The following APLP2 variants were observed in gnomAD, a reference collection of about 807,000 sequenced individuals.
The protein encoded by APLP2 is CDEI box-binding protein.
Under a neutral mutation model 89.9 loss-of-function variants are expected in APLP2, and 53 were observed. The observed-to-expected ratio is 0.59, with a 90% CI of 0.47 to 0.74. The LOEUF (loss-of-function observed/expected upper bound fraction) is 0.74. Ranked by LOEUF, APLP2 falls within the 30% of genes least tolerant of loss-of-function variation. The probability of loss-of-function intolerance (pLI) is 0.00; values close to 1 mark genes in which losing one functional copy is unlikely to be tolerated. For synonymous variants in APLP2, 372 were observed against 348.6 expected (o/e 1.07, Z -0.75); for missense variants, 973 against 975.9 (o/e 1.00, Z 0.04).
At chr11:130,072,066 T>C (rs74847642) in intron 1 of APLP2, among the ~76,000 whole-genome samples, 9,058 of 152,270 alleles carry the variant, frequency 0.059, 280 homozygotes, top group Non-Finnish European at 0.073. Flanking sequence ...AATTATTGAT[T>C]GGCAAATCTT....
intron 13 of APLP2, among the ~76,000 whole-genome samples, chr11:130,136,135 G>A (rs1402149196): frequency 1.3e-5 from 2 of 152,132 alleles, no homozygotes; most frequent in Admixed American, 6.5e-5. Context: ...ATGAGGTGGG[G>A]ATAAGAAGCT....
chr11:130,079,403 A>T (rs1298783627), intron 1 of APLP2, among the ~76,000 whole-genome samples: 5 of 152,256 alleles, frequency 3.3e-5, no homozygotes, highest in Admixed American at 2.6e-4. Context: ...CCGGCCCATG[A>T]CATGTGTTTT....
rs1275159180 is a variant in APLP2 at position 130,143,643 on chromosome 11, A to T, written c.*195A>T. On this transcript the variant is annotated 3_prime_UTR_variant, in exon 17 of 17. Transcript: ENST00000338167. ...TTTTAAATGGGTGAAAAATGGTAAT[A>T]TAACAATATATGATATATAAACCTT... 1.8e-6 allele frequency: 1 copy of T among 559,448 alleles called. No individual in the cohort carries two copies. The highest frequency in any genetic ancestry group is 1.9e-5 in the African/African-American group (1 of 53,050). 34.7% of individuals were successfully genotyped at this position (559,448 alleles called of 1,614,324 possible). A position where few individuals can be genotyped will look rare whatever the true frequency, so the allele number is the denominator to read the frequency against.
chr11:130,087,941 T>C (rs571854982), intron 1 of APLP2, among the ~76,000 whole-genome samples: 51 of 152,360 alleles, frequency 3.3e-4, no homozygotes, highest in Non-Finnish European at 5.9e-4. Flanking sequence ...ATAGGAATAG[T>C]ATTCAGGACA....
In APLP2 at chr11:130,116,573, T is replaced by C. The variant is rs140490999; in HGVS notation, c.404-4133T>C. 2.1e-3 allele frequency among the ~76,000 whole-genome samples: 313 copies of C among 152,134 alleles called. 9 individuals are homozygous for C. The East Asian group carries it at 0.049, about 24-fold the overall frequency. On this transcript the variant is annotated intron_variant, in intron 3 of 16. Coordinates refer to ENST00000338167, the MANE Select transcript of APLP2 (RefSeq NM_001142276.2). The stretch of plus-strand genomic sequence containing the variant: ...CGATCTTGGCTGACTGCGGCCTTGG[T>C]CCTGCGTGTCCCCCTTTCCACCCTG...
At chr11:130,070,801 G>T in intron 1 of APLP2, 1 of 1,320,362 alleles carries the variant, frequency 7.6e-7, no homozygotes, top group Non-Finnish European at 9.8e-7. Context: ...TGCCCGCGAA[G>T]GCGTGTAAAC....
At chr11:130,104,940 G>A (rs1201192157) in intron 1 of APLP2, among the ~76,000 whole-genome samples, 1 of 152,130 alleles carries the variant, frequency 6.6e-6, no homozygotes, top group Non-Finnish European at 1.5e-5. Flanking sequence ...TAGAAAGCAG[G>A]TTCATTTTAA....
In APLP2 at chr11:130,129,120, C is replaced by T; in HGVS notation, c.1369C>T (p.Leu457=). 1 of 1,614,230 alleles carries T rather than the reference C, an allele frequency of 6.2e-7. No individual in the cohort carries two copies. Among genetic ancestry groups the T allele is most frequent in the Non-Finnish European group, 8.5e-7 (1 of 1,180,038 alleles). ...SEKQQLVETH[L]ARVEAMLNDR... ...GAAGCAGCAGCTGGTGGAGACCCAC[C>T]TGGCCCGAGTGGAAGCTATGCTGAA... The change falls in exon 10 of 17, where the codon CTG becomes TTG. Residue 457 remains leucine, a synonymous_variant. Transcript: ENST00000338167.
intron 16 of APLP2, 91 bp downstream of exon 16, chr11:130,142,165 G>C (rs1207667481): frequency 1.6e-5 from 22 of 1,361,962 alleles, no homozygotes; most frequent in South Asian, 3.0e-5. Flanking sequence ...TTCACTCCTC[G>C]AGTACTGGAC....
chr11:130,091,719 G>GCTGAC (rs1333172534), intron 1 of APLP2, among the ~76,000 whole-genome samples: 2 of 142,112 alleles, frequency 1.4e-5, no homozygotes, highest in African/African-American at 2.8e-5. Context: ...CGGGCGGGGG[G>GCTGAC]CTGACCCCCC....
chr11:130,071,318 T>A (rs1342991849), intron 1 of APLP2, among the ~76,000 whole-genome samples: 2 of 152,248 alleles, frequency 1.3e-5, no homozygotes, highest in African/African-American at 4.8e-5. Flanking sequence ...TTAACACCTT[T>A]GTATTCATCC....
Position 130,141,855 on chromosome 11 carries a change from T to G in APLP2, c.1999-64T>G. On this transcript the variant is annotated intron_variant, in intron 15 of 16. Transcript: ENST00000338167. This position sits in a 1 kb window ranked among gnomAD's most constrained non-coding sequence, Gnocchi z 4.2. Reference sequence around the variant, plus strand: ...TTCCAGGAGCGTGGCCCTCAGTGAGTTACTTGCCTCACGGCTGCCAGATGG... The same window carrying G: ...TTCCAGGAGCGTGGCCCTCAGTGAGGTACTTGCCTCACGGCTGCCAGATGG... 3 of 1,548,254 alleles carry G rather than the reference T, an allele frequency of 1.9e-6. No homozygotes were observed. The highest frequency in any genetic ancestry group is 2.6e-6 in the Non-Finnish European group (3 of 1,138,468).
At chr11:130,101,093 A>G (rs949945455) in intron 1 of APLP2, among the ~76,000 whole-genome samples, 2 of 152,144 alleles carry the variant, frequency 1.3e-5, no homozygotes, top group Admixed American at 6.5e-5. Flanking sequence ...CAGAATCGTG[A>G]TAGTCTTCCA....
rs535878531 is a variant in APLP2 at position 130,141,806 on chromosome 11, A to G, written c.1999-113A>G. 6.2e-6 allele frequency: 8 copies of G among 1,285,022 alleles called. No homozygotes were observed. Among genetic ancestry groups the G allele is most frequent in the South Asian group, 1.4e-5 (1 of 69,222 alleles). The allele number at this position is 1,285,022 out of a possible 1,614,324, so 79.6% of individuals were successfully genotyped here. On this transcript the variant is annotated intron_variant, in intron 15 of 16. Coordinates refer to ENST00000338167, the MANE Select transcript of APLP2 (RefSeq NM_001142276.2). This position sits in a 1 kb window ranked among gnomAD's most constrained non-coding sequence, Gnocchi z 4.2. ...CCCTGCAAAGCAGGATCTTGGTGCT[A>G]CTTTGGGTTTTAGGGGCTCGACCTT...
intron 1 of APLP2, among the ~76,000 whole-genome samples, chr11:130,073,763 T>C (rs1591750548): frequency 6.7e-6 from 1 of 150,136 alleles, no homozygotes; most frequent in African/African-American, 2.5e-5. Flanking sequence ...ATCTGGGAGG[T>C]GGAGGTTACA....
chr11:130,138,295 C>T (rs1005452740), intron 13 of APLP2, among the ~76,000 whole-genome samples: 1 of 152,190 alleles, frequency 6.6e-6, no homozygotes, highest in Non-Finnish European at 1.5e-5. Context: ...AGTGTGATTT[C>T]AATCTTCTGA....
chr11:130,122,581 G>T (rs919724589), intron 6 of APLP2, 68 bp downstream of exon 6: 6 of 1,594,314 alleles, frequency 3.8e-6, no homozygotes, highest in Non-Finnish European at 5.1e-6. Flanking sequence ...TTTGCATTGC[G>T]TCTGTCACAG....
At chr11:130,075,744 G>T (rs1254594700) in intron 1 of APLP2, among the ~76,000 whole-genome samples, 4 of 152,186 alleles carry the variant, frequency 2.6e-5, no homozygotes, top group Admixed American at 2.6e-4. Context: ...CACCCAGCTC[G>T]ACCAGGGGAA....
chr11:130,133,375 A>T (rs1951148743), intron 11 of APLP2, among the ~76,000 whole-genome samples: 1 of 152,030 alleles, frequency 6.6e-6, no homozygotes, highest in Non-Finnish European at 1.5e-5. Context: ...CTGCTGTCTC[A>T]CCCTCCCAAA....
Sources: gnomAD v4.1 joint callset for allele counts (sites outside exome capture counted in the v4.1 genomes callset) on GRCh38, gnomAD v4.1.1 for gene constraint, Gnocchi (gnomAD v3.1) non-coding constraint, MANE v1.5 for transcripts, NCBI Gene and HGNC (gene_info 2026-07-23, HGNC 2026-07-21) for gene names.